The following MCU variants were observed in gnomAD, a reference collection of about 807,000 sequenced individuals.
MCU encodes the protein mitochondrial calcium uniporter, also known as calcium uniporter protein, mitochondrial.
In MCU, 12 loss-of-function variants were observed where a neutral mutation model predicts 45.2. That is an observed-to-expected ratio of 0.27 (90% confidence interval 0.17 to 0.43). MCU has a LOEUF of 0.43. MCU is among the 20% of genes least tolerant of loss of function. The pLI, the probability that MCU is intolerant of heterozygous loss-of-function variation, is 1.00. For missense variants in MCU, 324 were observed against 436.7 expected, an observed-to-expected ratio of 0.74 and a Z score of 2.30; for synonymous variants, 160 against 165.1, an observed-to-expected ratio of 0.97 and a Z score of 0.24.
intron 1 of MCU, among the ~76,000 whole-genome samples, chr10:72,826,487 A>G (rs3849961): frequency 0.62 from 94,899 of 151,988 alleles, 31,133 homozygotes; most frequent in African/African-American, 0.72. Flanking sequence ...AGATGCAACT[A>G]TTTCCCCAAT....
At chr10:72,883,662 G>C (rs72812248) in intron 6 of MCU, among the ~76,000 whole-genome samples, 5,436 of 152,180 alleles carry the variant, frequency 0.036, 150 homozygotes, top group Middle Eastern at 0.085. Flanking sequence ...TTATTAGTAA[G>C]AACGGAAACA....
intron 1 of MCU, among the ~76,000 whole-genome samples, chr10:72,728,955 G>A (rs1223150585): frequency 1.3e-5 from 2 of 152,250 alleles, no homozygotes; most frequent in African/African-American, 2.4e-5. Flanking sequence ...GTGAGTAGAG[G>A]GATGAAGCCT....
chr10:72,863,617 T>C (rs1207851503), intron 4 of MCU, among the ~76,000 whole-genome samples: 1 of 152,204 alleles, frequency 6.6e-6, no homozygotes, highest in East Asian at 1.9e-4. Context: ...CAAGTCTATC[T>C]TATTTTATTT....
rs1435890480 is a variant in MCU at position 72,704,704 on chromosome 10, A to AC, written c.150+12403_150+12404insC. ...AGGCATGCACTGTCATGCCTGGATA[A>AC]TTTTTTTTTTTTTTTTTTTTTTTTT... On this transcript the variant is annotated intron_variant, in intron 1 of 7. Transcript: ENST00000373053. Among the ~76,000 whole-genome samples, 739 of 106,720 alleles carry AC rather than the reference A, an allele frequency of 6.9e-3. 116 individuals are homozygous for AC. The highest frequency in any genetic ancestry group is 0.011 in the African/African-American group (256 of 22,812). 70.0% of individuals were successfully genotyped at this position (106,720 alleles called of 152,430 possible).
chr10:72,791,101 A>G (rs1454508084), intron 1 of MCU, among the ~76,000 whole-genome samples: 2 of 152,184 alleles, frequency 1.3e-5, no homozygotes, highest in Non-Finnish European at 2.9e-5. Flanking sequence ...TAAAATTTAA[A>G]GTGAAATCAT....
intron 1 of MCU, among the ~76,000 whole-genome samples, chr10:72,742,402 C>T (rs1843347960): frequency 6.6e-6 from 1 of 152,180 alleles, no homozygotes; most frequent in African/African-American, 2.4e-5. Context: ...TTTTTTCAGA[C>T]TTGCAATTCT....
chr10:72,766,551 T>G (rs1188837537), intron 1 of MCU: 1 of 152,168 alleles, frequency 6.6e-6, no homozygotes, highest in African/African-American at 2.4e-5. Flanking sequence ...TATTTTTCAA[T>G]TTTACCTTTA....
At chr10:72,884,415 C>A in intron 7 of MCU, 33 bp downstream of exon 7, 2 of 1,200,784 alleles carry the variant, frequency 1.7e-6, no homozygotes, top group Non-Finnish European at 2.5e-6. Context: ...TAAATCCCAG[C>A]CCTATCTTGC....
intron 6 of MCU, among the ~76,000 whole-genome samples, chr10:72,881,371 A>G (rs1008931821): frequency 5.9e-5 from 9 of 152,108 alleles, no homozygotes; most frequent in African/African-American, 1.7e-4. Context: ...CACGGAATGA[A>G]AAGCACTAAC....
chr10:72,707,482 G>A (rs1185284344), intron 1 of MCU, among the ~76,000 whole-genome samples: 2 of 152,146 alleles, frequency 1.3e-5, no homozygotes, highest in African/African-American at 2.4e-5. Context: ...GCAGGCATGC[G>A]CCACTGCACC....
At chr10:72,860,591 T>A in intron 4 of MCU, 64 bp downstream of exon 4, 1 of 1,331,782 alleles carries the variant, frequency 7.5e-7, no homozygotes, top group Non-Finnish European at 1.1e-6. Context: ...TAACTTTATT[T>A]TTTTTCCTTG....
At position 72,747,404 on chromosome 10, in the gene MCU, A is replaced by G. The variant is rs188661816; in HGVS notation, c.150+55103A>G. On this transcript the variant is annotated intron_variant, in intron 1 of 7. Transcript: ENST00000373053. ...CGTTGTTTTAAAAAATATGTTAAAGAATGTATAGTGCTTGTTATGATGAGG... is the reference window on the plus strand; with the variant it reads ...CGTTGTTTTAAAAAATATGTTAAAGGATGTATAGTGCTTGTTATGATGAGG... Among the ~76,000 whole-genome samples the G allele has an allele frequency of 1.1e-3, 169 of 152,290 alleles. 1 individual carries two copies. The highest frequency in any genetic ancestry group is 3.9e-3 in the African/African-American group (162 of 41,552).
intron 1 of MCU, among the ~76,000 whole-genome samples, chr10:72,729,762 G>A (rs985563685): frequency 6.6e-6 from 1 of 152,108 alleles, no homozygotes; most frequent in African/African-American, 2.4e-5. Flanking sequence ...CTTTGTTTCA[G>A]ATAATTCTTT....
At chr10:72,768,835 G>A (rs1843765513) in intron 1 of MCU, among the ~76,000 whole-genome samples, 1 of 151,984 alleles carries the variant, frequency 6.6e-6, no homozygotes, top group South Asian at 2.1e-4. Context: ...ATTCCAAGCC[G>A]CTGACACATG....
At chr10:72,771,940 C>A (rs867596658) in intron 1 of MCU, among the ~76,000 whole-genome samples, 1 of 152,164 alleles carries the variant, frequency 6.6e-6, no homozygotes, top group African/African-American at 2.4e-5. Context: ...CTACCCAGGA[C>A]AAATAGTTTG....
chr10:72,758,161 G>A (rs1022730852), intron 1 of MCU, among the ~76,000 whole-genome samples: 2 of 152,120 alleles, frequency 1.3e-5, no homozygotes, highest in African/African-American at 4.8e-5. Flanking sequence ...CAGGAGAGGA[G>A]GATAGAAAGA....
chr10:72,745,533 T>C (rs1265045702), intron 1 of MCU, among the ~76,000 whole-genome samples: 1 of 152,146 alleles, frequency 6.6e-6, no homozygotes, highest in South Asian at 2.1e-4. Context: ...CCGGCCACTA[T>C]TTGGTATTTT....
intron 1 of MCU, among the ~76,000 whole-genome samples, chr10:72,723,501 A>AT (rs1275302220): frequency 6.6e-6 from 1 of 152,140 alleles, no homozygotes; most frequent in African/African-American, 2.4e-5. Flanking sequence ...CCTTTTAGAC[A>AT]TTTTTTAATG....
intron 1 of MCU, among the ~76,000 whole-genome samples, chr10:72,806,152 CTTTT>C (rs774464297): frequency 2.5e-4 from 30 of 120,192 alleles, no homozygotes; most frequent in Non-Finnish European, 3.6e-4. Flanking sequence ...CCATGAAGAG[CTTTT>C]TTTTTTTTTT....
Sources: allele counts gnomAD v4.1 joint callset (sites outside exome capture counted in the v4.1 genomes callset), GRCh38; gene constraint gnomAD v4.1.1; transcripts MANE v1.5; gene names NCBI Gene and HGNC (gene_info 2026-07-23, HGNC 2026-07-21).